The following TACR1 variants were observed in gnomAD, a reference collection of about 807,000 sequenced individuals.
TACR1 encodes substance-P receptor.
Under a neutral mutation model 35.8 loss-of-function variants are expected in TACR1, and 25 were observed. That is an observed-to-expected ratio of 0.70 (90% CI 0.51 to 0.98). TACR1 has a LOEUF of 0.98. Among genes scored for constraint, TACR1 ranks in the 50% least tolerant of loss-of-function variants. The pLI, the probability that TACR1 is intolerant of heterozygous loss-of-function variation, is 0.00. For missense variants in TACR1, 478 were observed against 522.9 expected (o/e 0.91, Z 0.84); for synonymous variants, 195 against 206.7 (o/e 0.94, Z 0.48).
At chr2:75,110,576 A>G (rs1572936034) in intron 2 of TACR1, among the ~76,000 whole-genome samples, 1 of 151,972 alleles carries the variant, frequency 6.6e-6, no homozygotes, top group Non-Finnish European at 1.5e-5. Context: ...CTAACTGCAC[A>G]TATTACTTTG....
chr2:75,187,172 T>C (rs908514338), intron 1 of TACR1: 3 of 152,262 alleles, frequency 2.0e-5, no homozygotes, highest in African/African-American at 7.2e-5. Flanking sequence ...TATTCCACAG[T>C]CCCTTCTTAA....
chr2:75,096,165 T>C (rs1408615503), intron 2 of TACR1, among the ~76,000 whole-genome samples: 1 of 152,192 alleles, frequency 6.6e-6, no homozygotes, highest in Non-Finnish European at 1.5e-5. Flanking sequence ...AGCAGTTGAT[T>C]GTAAAACTCA....
intron 2 of TACR1, among the ~76,000 whole-genome samples, chr2:75,059,694 A>G (rs534721182): frequency 6.6e-6 from 1 of 152,328 alleles, no homozygotes; most frequent in East Asian, 1.9e-4. Flanking sequence ...TGAATCTGCA[A>G]ACCTCCTGGG....
At chr2:75,162,079 TG>T (rs1470458806) in intron 1 of TACR1, among the ~76,000 whole-genome samples, 2 of 149,588 alleles carry the variant, frequency 1.3e-5, no homozygotes, top group Admixed American at 6.7e-5. Context: ...GAGTCTGTGT[TG>T]GGGGGAGGGG....
At chr2:75,143,845 TTGAC>T (rs1399606905) in intron 1 of TACR1, among the ~76,000 whole-genome samples, 3 of 152,166 alleles carry the variant, frequency 2.0e-5, no homozygotes, top group Non-Finnish European at 2.9e-5. Flanking sequence ...GTGGCCTGGA[TTGAC>T]TGATGAGCCC....
At position 75,053,520 on chromosome 2, in the gene TACR1, C is replaced by A. The variant is rs552861339; in HGVS notation, c.735+85G>T. 503 of 1,417,224 alleles carry A rather than the reference C, an allele frequency of 3.5e-4. 2 individuals carry two copies. In the African/African-American group the frequency reaches 6.6e-3, roughly 18 times the overall value. The allele number at this position is 1,417,224 out of a possible 1,614,324, so 87.8% of individuals were successfully genotyped here. On this transcript the variant is annotated intron_variant, in intron 3 of 4. Coordinates refer to ENST00000305249, the MANE Select transcript of TACR1 (RefSeq NM_001058.4). The stretch of plus-strand genomic sequence containing the variant: ...CCTGGGGATATTTTGTGCTAGCTGC[C>A]TCTGGGGCTCACAAGTGTGCCATCC...
intron 1 of TACR1, among the ~76,000 whole-genome samples, chr2:75,124,504 A>G (rs909350564): frequency 1.3e-5 from 2 of 152,164 alleles, no homozygotes; most frequent in African/African-American, 4.8e-5. Context: ...AAGGGACCAC[A>G]TCTTCCTGAG....
At chr2:75,164,169 T>C (rs2103999175) in intron 1 of TACR1, among the ~76,000 whole-genome samples, 1 of 150,808 alleles carries the variant, frequency 6.6e-6, no homozygotes, top group Non-Finnish European at 1.5e-5. Context: ...CTACTAAAAA[T>C]ACAAAATATT....
At chr2:75,160,776 G>GA in intron 1 of TACR1, among the ~76,000 whole-genome samples, 1 of 146,002 alleles carries the variant, frequency 6.8e-6, no homozygotes, top group African/African-American at 2.5e-5. Flanking sequence ...AGACATAACC[G>GA]AAAAAAAAGT....
chr2:75,051,675 C>G (rs946690735), intron 3 of TACR1, among the ~76,000 whole-genome samples: 3 of 152,194 alleles, frequency 2.0e-5, no homozygotes, highest in Admixed American at 2.0e-4. Flanking sequence ...ATCACCATCC[C>G]CTCAGAGCTT....
chr2:75,172,612 C>G (rs556724280), intron 1 of TACR1, among the ~76,000 whole-genome samples: 2 of 152,036 alleles, frequency 1.3e-5, no homozygotes, highest in Non-Finnish European at 2.9e-5. Context: ...CTCCCCAGGA[C>G]AAGAGGCTCT....
At chr2:75,092,218 C>G (rs1451754158) in intron 2 of TACR1, among the ~76,000 whole-genome samples, 4 of 152,124 alleles carry the variant, frequency 2.6e-5, no homozygotes, top group African/African-American at 4.8e-5. Context: ...TCTGAGTTGC[C>G]TTTCCTCACA....
At chr2:75,098,550 C>T (rs1673468658) in intron 2 of TACR1, among the ~76,000 whole-genome samples, 2 of 152,134 alleles carry the variant, frequency 1.3e-5, no homozygotes, top group South Asian at 4.1e-4. Flanking sequence ...GAATAGCTGC[C>T]TCAATATTGG....
Position 75,094,859 on chromosome 2 carries a change from A to ATATATATATATTTT in TACR1, c.584+25714_584+25715insAAAATATATATATA. ...GAAACATATATATATATATATATAT[A>ATATATATATATTTT]TTTTTTTTTTTTTTGCCCAAGATGG... is the stretch of plus-strand genomic sequence containing the variant. On this transcript the variant is annotated intron_variant, in intron 2 of 4. Coordinates refer to ENST00000305249, the MANE Select transcript of TACR1 (RefSeq NM_001058.4). Among the ~76,000 whole-genome samples the ATATATATATATTTT allele has an allele frequency of 3.9e-3, 436 of 112,984 alleles. 5 individuals carry two copies. The highest frequency in any genetic ancestry group is 0.02 in the African/African-American group (410 of 20,752). 74.1% of individuals were successfully genotyped at this position (112,984 alleles called of 152,430 possible). A position where few individuals can be genotyped will look rare whatever the true frequency, so the allele number is the denominator to read the frequency against.
At chr2:75,084,308 G>A (rs1673149802) in intron 2 of TACR1, among the ~76,000 whole-genome samples, 2 of 152,324 alleles carry the variant, frequency 1.3e-5, no homozygotes, top group African/African-American at 4.8e-5. Flanking sequence ...GCTTTTTGAT[G>A]TGCTGCTGGA....
chr2:75,131,135 C>G (rs904035112), intron 1 of TACR1, among the ~76,000 whole-genome samples: 43 of 151,540 alleles, frequency 2.8e-4, no homozygotes, highest in African/African-American at 1.0e-3. Flanking sequence ...GTCACCCAGG[C>G]TGGAGTGCAG....
intron 1 of TACR1, among the ~76,000 whole-genome samples, chr2:75,133,792 C>A (rs1302390362): frequency 6.6e-6 from 1 of 152,062 alleles, no homozygotes; most frequent in African/African-American, 2.4e-5. Context: ...GAGGCTGAAA[C>A]CTACCGGGCT....
intron 2 of TACR1, among the ~76,000 whole-genome samples, chr2:75,094,861 T>TATATATATATATATATATATA (rs1558551241): frequency 6.6e-5 from 4 of 60,728 alleles, no homozygotes; most frequent in African/African-American, 4.4e-4. Flanking sequence ...ATATATATAT[T>TATATATATATATATATATATA]TTTTTTTTTT....
chr2:75,151,969 CT>C (rs1674683111), intron 1 of TACR1, among the ~76,000 whole-genome samples: 5 of 152,180 alleles, frequency 3.3e-5, no homozygotes, highest in African/African-American at 9.7e-5. Context: ...GGATTTCAGA[CT>C]TGCATGAGCC....
Sources: gnomAD v4.1 joint callset for allele counts (sites outside exome capture counted in the v4.1 genomes callset) on GRCh38, gnomAD v4.1.1 for gene constraint, MANE v1.5 for transcripts, NCBI Gene and HGNC (gene_info 2026-07-23, HGNC 2026-07-21) for gene names.